PCDHGB7: variants seen among roughly 807,000 people sequenced by gnomAD.
PCDHGB7 encodes the protein protocadherin gamma subfamily B, 7, also known as protocadherin gamma-B7.
A neutral mutation model predicts 61.4 loss-of-function variants in PCDHGB7; 37 were observed. The observed-to-expected ratio is 0.60, with a 90% CI of 0.46 to 0.79. The LOEUF (loss-of-function observed/expected upper bound fraction) is 0.79, where lower values mean the gene tolerates loss of function less well. Ranked by LOEUF, PCDHGB7 falls within the 30% of genes least tolerant of loss-of-function variation. The pLI is 0.00. For missense variants in PCDHGB7, 1,166 were observed against 1,202.5 expected (o/e 0.97, Z 0.45); for synonymous variants, 464 against 503.5 (o/e 0.92, Z 1.05).
At chr5:141,488,519 G>C (rs1210943979) in intron 1 of PCDHGB7, among the ~76,000 whole-genome samples, 1 of 152,184 alleles carries the variant, frequency 6.6e-6, no homozygotes, top group Non-Finnish European at 1.5e-5. Flanking sequence ...GGGGTCTGGG[G>C]TGTCAGAAAA....
chr5:141,426,960 A>G, intron 1 of PCDHGB7: 1 of 456,776 alleles, frequency 2.2e-6, no homozygotes, highest in South Asian at 1.5e-5. Context: ...CACTGCTGCA[A>G]TTCAAATTGA....
chr5:141,436,048 T>G (rs553708148), intron 1 of PCDHGB7, among the ~76,000 whole-genome samples: 1 of 152,316 alleles, frequency 6.6e-6, no homozygotes, highest in South Asian at 2.1e-4. Context: ...TACATTAGTT[T>G]TCAAATAGAA....
Position 141,487,418 on chromosome 5 carries a change from A to T in PCDHGB7, c.2416-7389A>T. ...GGAGGGGCTTCCCCCTTCCAATGGG[A>T]TCCTCCGAATCCAGCTAGGGTCAGA... On this transcript the variant is annotated intron_variant, in intron 1 of 3. Transcript: ENST00000398594. The surrounding 1 kb of genome is among the most constrained non-coding windows in gnomAD (Gnocchi z 5.0). The T allele has an allele frequency of 6.2e-7, 1 of 1,614,060 alleles. No homozygotes were observed. The highest frequency in any genetic ancestry group is 8.5e-7 in the Non-Finnish European group (1 of 1,179,998).
At chr5:141,450,225 C>A (rs1294362576) in intron 1 of PCDHGB7, among the ~76,000 whole-genome samples, 1 of 151,976 alleles carries the variant, frequency 6.6e-6, no homozygotes, top group Non-Finnish European at 1.5e-5. Flanking sequence ...ACTATGTTGG[C>A]CAGGCTAGTC....
intron 1 of PCDHGB7, among the ~76,000 whole-genome samples, chr5:141,434,192 A>G (rs2097676888): frequency 6.6e-6 from 1 of 152,194 alleles, no homozygotes; most frequent in Non-Finnish European, 1.5e-5. Context: ...TGTAATTCCA[A>G]TGTACTTACT....
At position 141,487,152 on chromosome 5, in the gene PCDHGB7, C is replaced by T. The variant is rs772254681; in HGVS notation, c.2416-7655C>T. On this transcript the variant is annotated intron_variant, in intron 1 of 3. Coordinates refer to ENST00000398594, the MANE Select transcript of PCDHGB7 (RefSeq NM_018927.4). The surrounding 1 kb of genome is among the most constrained non-coding windows in gnomAD (Gnocchi z 5.0). ...AGTCCACCACTCTCTACCTCTGTTA[C>T]TCTCTTAGTGTCCTTAGAGGAAGAC... 3.7e-6 allele frequency: 6 copies of T among 1,613,860 alleles called. No homozygotes were observed. Among genetic ancestry groups the T allele is most frequent in the Non-Finnish European group, 5.1e-6 (6 of 1,179,828 alleles).
rs1362496624 is a variant in PCDHGB7, at chr5:141,432,370, C to T, written c.2415+12096C>T. On this transcript the variant is annotated intron_variant, in intron 1 of 3. Coordinates refer to ENST00000398594, the MANE Select transcript of PCDHGB7 (RefSeq NM_018927.4). This position sits in a 1 kb window ranked among gnomAD's most constrained non-coding sequence, Gnocchi z 6.0. ...AAGTGAAAGTGATGGCGCGGGACAA[C>T]GGGCACCCGCCCCTCAGCAGCAACG... The T allele has an allele frequency of 6.2e-7, 1 of 1,614,240 alleles. No individual in the cohort carries two copies. Among genetic ancestry groups the T allele is most frequent in the Non-Finnish European group, 8.5e-7 (1 of 1,180,048 alleles).
At chr5:141,440,954 G>A (rs908507291) in intron 1 of PCDHGB7, 9 of 152,184 alleles carry the variant, frequency 5.9e-5, no homozygotes, top group Non-Finnish European at 1.0e-4. Flanking sequence ...GAGTGTCAAG[G>A]CAGAGATCAC....
Position 141,490,447 on chromosome 5 carries a change from C to A in PCDHGB7, c.2416-4360C>A, listed in dbSNP as rs1273424450. 1.2e-6 allele frequency: 2 copies of A among 1,614,196 alleles called. No homozygotes were observed. The highest frequency in any genetic ancestry group is 1.7e-5 in the Admixed American group (1 of 60,030). Reference sequence around the variant, plus strand: ...ATTTCAGATTAAGCCTTCTGAGAACCACTACTCGCTGCTAACCAGCCAGCC... The same window carrying A: ...ATTTCAGATTAAGCCTTCTGAGAACAACTACTCGCTGCTAACCAGCCAGCC... On this transcript the variant is annotated intron_variant, in intron 1 of 3. Coordinates refer to ENST00000398594, the MANE Select transcript of PCDHGB7 (RefSeq NM_018927.4). This position sits in a 1 kb window ranked among gnomAD's most constrained non-coding sequence, Gnocchi z 5.4.
chr5:141,426,971 G>A, intron 1 of PCDHGB7: 1 of 456,732 alleles, frequency 2.2e-6, no homozygotes, highest in South Asian at 1.5e-5. Context: ...TTCAAATTGA[G>A]GTCACTGATG....
Position 141,418,083 on chromosome 5 carries a change from T to C in PCDHGB7, c.224T>C (p.Phe75Ser). ...CGAGTGAGCGCGGAGAAGCTGCACTTCAGCGTAGACGCGCAGAGCGGGGAC... is the reference window on the plus strand; with the variant it reads ...CGAGTGAGCGCGGAGAAGCTGCACTCCAGCGTAGACGCGCAGAGCGGGGAC... The part of the protein sequence containing the change: ...ELRVSAEKLH[F>S]SVDAQSGDLL... The change falls in exon 1 of 4, where the codon TTC (phenylalanine) becomes TCC (serine). Residue 75 changes from phenylalanine (F) to serine (S), a missense_variant. Physicochemically the swap from Phe to Ser is radical, Grantham distance 155. Transcript: ENST00000398594. 1 of 1,614,068 alleles carries C rather than the reference T, an allele frequency of 6.2e-7. No individual in the cohort carries two copies. Among genetic ancestry groups the C allele is most frequent in the Non-Finnish European group, 8.5e-7 (1 of 1,179,902 alleles).
chr5:141,422,520 G>T, intron 1 of PCDHGB7: 2 of 1,613,946 alleles, frequency 1.2e-6, no homozygotes, highest in Middle Eastern at 1.6e-4. Flanking sequence ...AGGGAAGCCC[G>T]CCTTTGTCTG....
intron 1 of PCDHGB7, among the ~76,000 whole-genome samples, chr5:141,426,008 T>G (rs2096909040): frequency 6.6e-6 from 1 of 152,224 alleles, no homozygotes; most frequent in South Asian, 2.1e-4. Context: ...GGCTTCCGGC[T>G]GCAGTTTTCT....
At chr5:141,451,036 G>T (rs973806381) in intron 1 of PCDHGB7, among the ~76,000 whole-genome samples, 1 of 150,880 alleles carries the variant, frequency 6.6e-6, no homozygotes, top group Non-Finnish European at 1.5e-5. Flanking sequence ...CACCATATTG[G>T]CCAGGCTGGT....
chr5:141,476,230 G>A lies in PCDHGB7; in HGVS notation c.2416-18577G>A, dbSNP rs906283645. On this transcript the variant is annotated intron_variant, in intron 1 of 3. Coordinates refer to ENST00000398594, the MANE Select transcript of PCDHGB7 (RefSeq NM_018927.4). This position sits in a 1 kb window ranked among gnomAD's most constrained non-coding sequence, Gnocchi z 7.6. Reference sequence around the variant, plus strand: ...CCACGGTCATTCACTATGAGATCCCGGAGGAAAGAGAGAAGGGTTTCGCTG... The same window carrying A: ...CCACGGTCATTCACTATGAGATCCCAGAGGAAAGAGAGAAGGGTTTCGCTG... The A allele has an allele frequency of 1.2e-6, 2 of 1,614,040 alleles. No homozygotes were observed. Among genetic ancestry groups the A allele is most frequent in the Non-Finnish European group, 1.7e-6 (2 of 1,180,024 alleles).
chr5:141,428,446 T>C lies in PCDHGB7; in HGVS notation c.2415+8172T>C, dbSNP rs575475897. On this transcript the variant is annotated intron_variant, in intron 1 of 3. Coordinates refer to ENST00000398594, the MANE Select transcript of PCDHGB7 (RefSeq NM_018927.4). The stretch of plus-strand genomic sequence containing the variant: ...CTGTTCTAAGACTAGACCAGGGGTT[T>C]TTCCCAACTACAATGAGGGAACTTT... 4.2e-5 allele frequency: 16 copies of C among 378,218 alleles called. No homozygotes were observed. The East Asian group carries it at 8.8e-4, about 21-fold the overall frequency. 23.4% of individuals were successfully genotyped at this position (378,218 alleles called of 1,614,324 possible). A position where few individuals can be genotyped will look rare whatever the true frequency, so the allele number is the denominator to read the frequency against.
In PCDHGB7 at chr5:141,432,582, T is replaced by A. The variant is rs1561862595; in HGVS notation, c.2415+12308T>A. 2 of 1,613,236 alleles carry A rather than the reference T, an allele frequency of 1.2e-6. No homozygotes were observed. The highest frequency in any genetic ancestry group is 1.7e-6 in the Non-Finnish European group (2 of 1,179,922). On this transcript the variant is annotated intron_variant, in intron 1 of 3. Transcript: ENST00000398594. This position sits in a 1 kb window ranked among gnomAD's most constrained non-coding sequence, Gnocchi z 6.0. ...CAGAACGCCTGGCTGTCCTACCGTC[T>A]GCTCAAGGCCAGCGAGCCGGGACTC...
At chr5:141,501,305 A>G (rs2099807563) in intron 2 of PCDHGB7, among the ~76,000 whole-genome samples, 1 of 151,322 alleles carries the variant, frequency 6.6e-6, no homozygotes, top group African/African-American at 2.4e-5. Flanking sequence ...ACACACACAC[A>G]CACACACACA....
Position 141,427,801 on chromosome 5 carries a change from G to T in PCDHGB7, c.2415+7527G>T, listed in dbSNP as rs755067099. On this transcript the variant is annotated intron_variant, in intron 1 of 3. Coordinates refer to ENST00000398594, the MANE Select transcript of PCDHGB7 (RefSeq NM_018927.4). ...GCACTGTCGTCCTACGTGTCCGTGA[G>T]CGCACAGAGCGGGGTGGTGGTCGCG... 6 of 1,510,138 alleles carry T rather than the reference G, an allele frequency of 4.0e-6. No homozygotes were observed. In the African/African-American group the frequency reaches 8.2e-5, roughly 21 times the overall value. 93.5% of individuals were successfully genotyped at this position (1,510,138 alleles called of 1,614,324 possible). A position where few individuals can be genotyped will look rare whatever the true frequency, so the allele number is the denominator to read the frequency against.
Sources: allele counts gnomAD v4.1 joint callset (sites outside exome capture counted in the v4.1 genomes callset), GRCh38; gene constraint gnomAD v4.1.1; non-coding constraint Gnocchi (gnomAD v3.1); transcripts MANE v1.5; gene names NCBI Gene and HGNC (gene_info 2026-07-23, HGNC 2026-07-21).